The following DNAH17 variants were observed in gnomAD, a reference collection of about 807,000 sequenced individuals.
The protein encoded by DNAH17 is dynein axonemal heavy chain 17.
A neutral mutation model predicts 485.6 loss-of-function variants in DNAH17; 376 were observed. The ratio of observed to expected loss-of-function variants is 0.77; its 90% CI spans 0.71 to 0.84. DNAH17 has a LOEUF of 0.84. DNAH17 is among the 40% of genes least tolerant of loss of function. The pLI is 0.00. For synonymous variants in DNAH17, 3,031 were observed against 2,405.9 expected (o/e 1.26, Z -7.60); for missense variants, 6,370 against 5,839.3 (o/e 1.09, Z -2.96).
At chr17:78,440,951 T>G (rs2087051052) in intron 72 of DNAH17, 100 bp downstream of exon 72, 1 of 1,415,472 alleles carries the variant, frequency 7.1e-7, no homozygotes, top group Non-Finnish European at 9.7e-7. Context: ...GTCTTGGGTG[T>G]GAAGTGGTGT....
chr17:78,501,473 T>A, intron 34 of DNAH17, 129 bp from the exon 35 acceptor site: 1 of 1,203,488 alleles, frequency 8.3e-7, no homozygotes, highest in Non-Finnish European at 1.1e-6. Context: ...TCTTTCCCCC[T>A]CCAGCACCCA....
At position 78,423,829 on chromosome 17, in the gene DNAH17, A is replaced by G. The variant is rs1240465705; in HGVS notation, c.*77T>C. On this transcript the variant is annotated 3_prime_UTR_variant, in exon 81 of 81. Coordinates refer to ENST00000389840, the MANE Select transcript of DNAH17 (RefSeq NM_173628.4). Reference sequence around the variant, plus strand: ...AAACCACCACCAGTTCCTGTAAAGAATAAGTCACAGGTGCACAGGTGAAGG... The same window carrying G: ...AAACCACCACCAGTTCCTGTAAAGAGTAAGTCACAGGTGCACAGGTGAAGG... 3.9e-6 allele frequency: 6 copies of G among 1,546,710 alleles called. No homozygotes were observed. Among genetic ancestry groups the G allele is most frequent in the African/African-American group, 1.4e-5 (1 of 73,054 alleles).
intron 65 of DNAH17, among the ~76,000 whole-genome samples, chr17:78,451,915 G>A (rs540543406): frequency 4.1e-4 from 62 of 152,136 alleles, no homozygotes; most frequent in African/African-American, 1.4e-3. Context: ...TTGCAGCAGG[G>A]TTTACACCCC....
At chr17:78,514,713 C>A in intron 26 of DNAH17, 61 bp downstream of exon 26, 1 of 1,573,426 alleles carries the variant, frequency 6.4e-7, no homozygotes, top group Non-Finnish European at 8.6e-7. Context: ...CAGGCCAGCC[C>A]ATCCTGCAGC....
In DNAH17 at chr17:78,439,189, A is replaced by G. The variant is rs774628488; in HGVS notation, c.11706T>C (p.Asn3902=). 30 of 1,613,356 alleles carry G rather than the reference A, an allele frequency of 1.9e-5. No homozygotes were observed. The highest frequency in any genetic ancestry group is 3.3e-4 in the Middle Eastern group (2 of 6,058). ...CCAGGGACACATTATGGAGTTTTCC[A>G]TTGTCTATGGTAAACCCTAGTTTTT... ...LGKKLGFTID[N]GKLHNVSLGQ... is the part of the protein sequence containing the mutation. Residue 3902 remains asparagine (N), a synonymous_variant, in exon 73 of 81, where the codon AAT becomes AAC. Transcript: ENST00000389840.
chr17:78,467,538 C>A (rs2088530439), intron 55 of DNAH17, among the ~76,000 whole-genome samples: 1 of 152,168 alleles, frequency 6.6e-6, no homozygotes, highest in South Asian at 2.1e-4. Flanking sequence ...ACTAATTGGG[C>A]TATGCAGCCC....
rs781711649 is a variant in DNAH17 at position 78,537,416 on chromosome 17, C to T, written c.2742G>A (p.Pro914=). The T allele has an allele frequency of 1.9e-5, 31 of 1,613,268 alleles. 1 individual carries two copies. Among genetic ancestry groups the T allele is most frequent in the African/African-American group, 8.0e-5 (6 of 74,906 alleles). ...ELDEDGLTFN[P]TLEVGSDRGF... is the part of the protein sequence containing the mutation. ...CGCGATCTGAGCCCACCTCCAGGGTCGGGTTGAAGGTCAGCCCATCCTCGT... is the reference window on the plus strand; with the variant it reads ...CGCGATCTGAGCCCACCTCCAGGGTTGGGTTGAAGGTCAGCCCATCCTCGT... Residue 914 remains proline (P), a synonymous_variant, in exon 19 of 81, where the codon CCG becomes CCA. Transcript: ENST00000389840.
intron 24 of DNAH17, 61 bp from the exon 25 acceptor site, chr17:78,525,222 TCC>T (rs1212933135): frequency 1.1e-5 from 18 of 1,570,908 alleles, no homozygotes; most frequent in Middle Eastern, 1.9e-4. Context: ...CCCACCCCAC[TCC>T]CCGACGTTCT....
At chr17:78,554,384 C>T (rs2091972666) in intron 14 of DNAH17, among the ~76,000 whole-genome samples, 2 of 123,312 alleles carry the variant, frequency 1.6e-5, no homozygotes, top group African/African-American at 3.1e-5. Flanking sequence ...TTGCAGTGAG[C>T]CAAGATCGCA....
intron 6 of DNAH17, among the ~76,000 whole-genome samples, 186 bp from the exon 7 acceptor site, chr17:78,570,558 C>T (rs575420255): frequency 1.3e-5 from 2 of 152,152 alleles, no homozygotes; most frequent in South Asian, 4.2e-4. Flanking sequence ...GCCCCACATG[C>T]CTTGAAGAAA....
chr17:78,569,059 T>C (rs976126628), intron 9 of DNAH17, 107 bp downstream of exon 9: 2 of 884,098 alleles, frequency 2.3e-6, no homozygotes, highest in African/African-American at 3.4e-5. Context: ...ACTTATTTTC[T>C]GCCTGGGGGA....
rs183791613 is a variant in DNAH17 at position 78,439,085 on chromosome 17, C to T, written c.11805+5G>A. ...CCTTACCCTGCAGTGCTGGCCCCCT[C>T]GTACCTGCAGAATGACCCAGTGTCC... On this transcript the variant is annotated splice_donor_5th_base_variant and intron_variant, in intron 73 of 80. Transcript: ENST00000389840. 521 of 1,612,778 alleles carry T rather than the reference C, an allele frequency of 3.2e-4. 7 individuals carry two copies. In the Admixed American group the frequency reaches 5.5e-3, roughly 17 times the overall value.
At chr17:78,442,037 G>A (rs2087095874) in intron 71 of DNAH17, among the ~76,000 whole-genome samples, 3 of 151,950 alleles carry the variant, frequency 2.0e-5, no homozygotes, top group Admixed American at 1.3e-4. Context: ...GAGGTGAGAT[G>A]GCGCCATTGC....
intron 19 of DNAH17, among the ~76,000 whole-genome samples, chr17:78,535,056 C>T (rs2091338405): frequency 6.6e-6 from 1 of 152,284 alleles, no homozygotes; most frequent in Middle Eastern, 3.4e-3. Context: ...GACCCTTCTC[C>T]TGGGCAACAG....
intron 49 of DNAH17, 85 bp downstream of exon 49, chr17:78,480,599 C>G: frequency 1.6e-6 from 2 of 1,238,042 alleles, no homozygotes; most frequent in Middle Eastern, 1.9e-4. Flanking sequence ...CCCTAACACC[C>G]TAAACCAAAG....
At chr17:78,459,438 A>G (rs1598485081) in intron 60 of DNAH17, among the ~76,000 whole-genome samples, 1 of 152,282 alleles carries the variant, frequency 6.6e-6, no homozygotes, top group East Asian at 1.9e-4. Context: ...GGAGACTGAA[A>G]CTATAAGGTT....
chr17:78,504,605 T>C (rs1392398558), intron 31 of DNAH17, among the ~76,000 whole-genome samples: 1 of 152,176 alleles, frequency 6.6e-6, no homozygotes, highest in Non-Finnish European at 1.5e-5. Context: ...TGCATTGTAT[T>C]TTCCTCAGGC....
chr17:78,481,134 A>C (rs1598540818), intron 48 of DNAH17, among the ~76,000 whole-genome samples: 1 of 112,834 alleles, frequency 8.9e-6, no homozygotes, highest in East Asian at 2.6e-4. Context: ...ATGGAGTCTC[A>C]CTCAGTCACT....
chr17:78,531,414 C>A (rs188961811), intron 20 of DNAH17, among the ~76,000 whole-genome samples: 3 of 148,136 alleles, frequency 2.0e-5, no homozygotes, highest in Admixed American at 1.4e-4. Context: ...TCTTGACTCA[C>A]TGCAAGCTCC....
Sources: allele counts gnomAD v4.1 joint callset (sites outside exome capture counted in the v4.1 genomes callset), GRCh38; gene constraint gnomAD v4.1.1; transcripts MANE v1.5; gene names NCBI Gene and HGNC (gene_info 2026-07-23, HGNC 2026-07-21).